The following DCLK1 variants were observed in gnomAD, a reference collection of about 807,000 sequenced individuals.
DCLK1 encodes serine/threonine-protein kinase DCLK1.
DCLK1 carries 16 observed loss-of-function variants against 86.2 expected under a neutral mutation model. The observed-to-expected ratio is 0.19, with a 90% CI of 0.13 to 0.28. The LOEUF is 0.28. Ranked by LOEUF, DCLK1 falls within the 10% of genes least tolerant of loss-of-function variation. The pLI is 1.00. For missense variants in DCLK1, 590 were observed against 940.2 expected, an observed-to-expected ratio of 0.63 and a Z score of 4.87; for synonymous variants, 369 against 370.5, an observed-to-expected ratio of 1.00 and a Z score of 0.05.
In DCLK1 at chr13:36,079,489, G is replaced by A. The variant is rs146518749; in HGVS notation, c.723+32380C>T. 1.9e-3 allele frequency among the ~76,000 whole-genome samples: 286 copies of A among 152,058 alleles called. 1 individual carries two copies. Among genetic ancestry groups the A allele is most frequent in the African/African-American group, 6.4e-3 (264 of 41,506 alleles). On this transcript the variant is annotated intron_variant, in intron 3 of 16. Transcript: ENST00000360631. ...TATTTAAAATACAAAAAAATTAGCC[G>A]GGCATGGTGGCGGGCACATGTAATC... is the stretch of plus-strand genomic sequence containing the variant.
At chr13:35,945,290 G>T (rs1399437403) in intron 4 of DCLK1, among the ~76,000 whole-genome samples, 1 of 152,218 alleles carries the variant, frequency 6.6e-6, no homozygotes. Flanking sequence ...GCATTTTCCT[G>T]TTGTACTTCT....
In DCLK1 at chr13:35,773,461, T is replaced by A. The variant is rs957661698; in HGVS notation, c.*1074A>T. 2.6e-5 allele frequency: 4 copies of A among 152,052 alleles called. No individual in the cohort carries two copies. Among genetic ancestry groups the A allele is most frequent in the African/African-American group, 7.3e-5 (3 of 41,214 alleles). 9.4% of individuals were successfully genotyped at this position (152,052 alleles called of 1,614,324 possible). On this transcript the variant is annotated 3_prime_UTR_variant, in exon 17 of 17. Transcript: ENST00000360631. ...TATTGTTAGAACATTCTGGATTGTG[T>A]TCCCAGTGTGCTTTCTCCTCAGCCA...
At chr13:35,854,663 TGCAA>T in intron 5 of DCLK1, 70 bp from the exon 6 acceptor site, 2 of 1,375,934 alleles carry the variant, frequency 1.5e-6, no homozygotes, top group South Asian at 1.5e-5. Context: ...AATCATCTTC[TGCAA>T]GAAATAAACA....
chr13:35,976,780 C>T (rs1433563519), intron 3 of DCLK1, among the ~76,000 whole-genome samples: 3 of 151,544 alleles, frequency 2.0e-5, no homozygotes, highest in Non-Finnish European at 4.4e-5. Flanking sequence ...GTGATCCGCC[C>T]GCCTCGGCCT....
intron 3 of DCLK1, among the ~76,000 whole-genome samples, chr13:36,080,101 G>T (rs539468297): frequency 7.3e-6 from 1 of 137,270 alleles, no homozygotes; most frequent in South Asian, 2.9e-4. Context: ...TGCCAACAAA[G>T]GAGTTATGGA....
intron 3 of DCLK1, among the ~76,000 whole-genome samples, chr13:36,009,700 C>T (rs1276299999): frequency 1.5e-3 from 146 of 100,062 alleles, no homozygotes; most frequent in African/African-American, 5.5e-3. Flanking sequence ...ATTGACTTGG[C>T]GATGCGGGCT....
chr13:36,068,053 A>C (rs576680754), intron 3 of DCLK1, among the ~76,000 whole-genome samples: 3 of 152,368 alleles, frequency 2.0e-5, no homozygotes, highest in East Asian at 3.9e-4. Flanking sequence ...AGTATTAAGA[A>C]CATAACCATG....
At chr13:35,920,663 A>G (rs1199784053) in intron 4 of DCLK1, among the ~76,000 whole-genome samples, 1 of 152,148 alleles carries the variant, frequency 6.6e-6, no homozygotes, top group Non-Finnish European at 1.5e-5. Flanking sequence ...ACACTGGTTC[A>G]TCGAAAGTTT....
At chr13:35,784,168 C>A (rs2086579279) in intron 16 of DCLK1, among the ~76,000 whole-genome samples, 1 of 152,018 alleles carries the variant, frequency 6.6e-6, no homozygotes, top group Non-Finnish European at 1.5e-5. Context: ...GATTCTGAGG[C>A]AAGGGCAGAA....
intron 3 of DCLK1, among the ~76,000 whole-genome samples, chr13:35,960,188 C>A (rs1461335297): frequency 6.6e-6 from 1 of 152,176 alleles, no homozygotes; most frequent in Non-Finnish European, 1.5e-5. Context: ...TTTCTCCCCC[C>A]TTAATCCATC....
At chr13:36,024,491 A>G (rs1236440480) in intron 3 of DCLK1, among the ~76,000 whole-genome samples, 2 of 152,212 alleles carry the variant, frequency 1.3e-5, no homozygotes, top group African/African-American at 4.8e-5. Context: ...AATAGCATCA[A>G]AAAGAATTAA....
intron 3 of DCLK1, among the ~76,000 whole-genome samples, chr13:35,962,231 T>C (rs543512463): frequency 6.6e-6 from 1 of 152,298 alleles, no homozygotes; most frequent in Non-Finnish European, 1.5e-5. Flanking sequence ...TGTTTGGAAA[T>C]AGGGTCATTG....
At chr13:36,035,745 C>T (rs1448471445) in intron 3 of DCLK1, among the ~76,000 whole-genome samples, 1 of 152,066 alleles carries the variant, frequency 6.6e-6, no homozygotes, top group Admixed American at 6.6e-5. Context: ...CAGGTTGTTA[C>T]TTTTGTCACT....
chr13:36,115,462 G>A (rs765092672), intron 2 of DCLK1, among the ~76,000 whole-genome samples: 2 of 152,212 alleles, frequency 1.3e-5, no homozygotes, highest in Admixed American at 6.5e-5. Flanking sequence ...AGCTCTTAGC[G>A]GTGGTACTAG....
chr13:36,043,852 T>G (rs545580419), intron 3 of DCLK1, among the ~76,000 whole-genome samples: 25 of 152,310 alleles, frequency 1.6e-4, no homozygotes, highest in Non-Finnish European at 3.1e-4. Context: ...CATGTATCCT[T>G]TGTTAGGAAA....
intron 6 of DCLK1, chr13:35,847,884 AT>A (rs1183231317): frequency 2.0e-6 from 2 of 985,256 alleles, no homozygotes; most frequent in East Asian, 2.3e-4. Context: ...AACTGTCTAG[AT>A]TTTTCCCCCT....
At chr13:35,975,420 A>G (rs1310616950) in intron 3 of DCLK1, among the ~76,000 whole-genome samples, 1 of 152,142 alleles carries the variant, frequency 6.6e-6, no homozygotes, top group African/African-American at 2.4e-5. Context: ...CAAGGGCAAC[A>G]AGGTGCAGGG....
At chr13:36,125,707 G>T in intron 2 of DCLK1, 55 bp downstream of exon 2, 1 of 1,560,632 alleles carries the variant, frequency 6.4e-7, no homozygotes, top group Admixed American at 1.8e-5. Context: ...TACAACACTG[G>T]AAATCTGAGC....
Position 36,112,192 on chromosome 13 carries a change from T to C in DCLK1, c.400A>G (p.Ile134Val). ...TACTCCAGTTTCTTGAAGGGCTCTA[T>C]GGAGCCACATACATAACTCTCTCCT... ...VEGESYVCGS[I>V]EPFKKLEYTK... The change falls in exon 3 of 17, where the codon ATA becomes GTA. Residue 134 changes from isoleucine to valine, a missense_variant. By Grantham distance (29) the Ile-to-Val change is conservative. Around this residue, in one of 6 missense-constraint regions of DCLK1, gnomAD observed 195 missense variants for 365.1 expected, o/e 0.53. Transcript: ENST00000360631. 2 of 1,594,918 alleles carry C rather than the reference T, an allele frequency of 1.3e-6. No individual in the cohort carries two copies. Among genetic ancestry groups the C allele is most frequent in the East Asian group, 2.3e-5 (1 of 44,324 alleles).
Sources: allele counts gnomAD v4.1 joint callset (sites outside exome capture counted in the v4.1 genomes callset), GRCh38; gene constraint gnomAD v4.1.1; regional missense constraint gnomAD v4.1.1; transcripts MANE v1.5; gene names NCBI Gene and HGNC (gene_info 2026-07-23, HGNC 2026-07-21).